Variants in MAS1 observed in about 807,000 individuals in gnomAD.
MAS1 encodes proto-oncogene Mas.
For missense variants in MAS1, 387 were observed against 409.7 expected (o/e 0.94, Z 0.48); for synonymous variants, 163 against 164.2 (o/e 0.99, Z 0.05).
At position 159,911,658 on chromosome 6, in the gene MAS1, G is replaced by A. The variant is rs1250396000; in HGVS notation, c.*3725G>A. ...GCATTAGAGACTCAGGAGAGCCTCTGGAAGCTGAGTTCCTGGATAACCGTG... is the reference window on the plus strand; with the variant it reads ...GCATTAGAGACTCAGGAGAGCCTCTAGAAGCTGAGTTCCTGGATAACCGTG... On this transcript the variant is annotated 3_prime_UTR_variant, in exon 3 of 3. Transcript: ENST00000674077. 1 of 152,080 alleles carries A rather than the reference G, an allele frequency of 6.6e-6. No individual in the cohort carries two copies. Among genetic ancestry groups the A allele is most frequent in the Non-Finnish European group, 1.5e-5 (1 of 68,050 alleles). 9.4% of individuals were successfully genotyped at this position (152,080 alleles called of 1,614,324 possible).
chr6:159,908,122 T>A lies in MAS1; in HGVS notation c.*189T>A. On this transcript the variant is annotated 3_prime_UTR_variant, in exon 3 of 3. Coordinates refer to ENST00000674077, the MANE Select transcript of MAS1 (RefSeq NM_002377.4). ...TTCTGGAAATGACCTGTCATTTCTG[T>A]ACTTGACAAAGACTCTATTTCTTTC... is the stretch of plus-strand genomic sequence containing the variant. 1 of 558,240 alleles carries A rather than the reference T, an allele frequency of 1.8e-6. No homozygotes were observed. Among genetic ancestry groups the A allele is most frequent in the Non-Finnish European group, 2.9e-6 (1 of 342,596 alleles). 34.6% of individuals were successfully genotyped at this position (558,240 alleles called of 1,614,324 possible).
chr6:159,890,710 G>A (rs1304108073), upstream of MAS1, among the ~76,000 whole-genome samples: 1 of 152,176 alleles, frequency 6.6e-6, no homozygotes, highest in African/African-American at 2.4e-5. Context: ...AACTGAGCTG[G>A]GAATTTGAGA....
chr6:159,900,943 C>G (rs1220244061), intron 2 of MAS1, among the ~76,000 whole-genome samples: 2 of 152,160 alleles, frequency 1.3e-5, no homozygotes, highest in East Asian at 3.8e-4. Context: ...TAACAAAATA[C>G]TATGGACTGG....
chr6:159,917,108 G>C lies in MAS1; in HGVS notation c.*9175G>C, dbSNP rs1783036710. Among the ~76,000 whole-genome samples the C allele has an allele frequency of 6.6e-6, 1 of 152,194 alleles. No homozygotes were observed. Among genetic ancestry groups the C allele is most frequent in the African/African-American group, 2.4e-5 (1 of 41,452 alleles). On this transcript the variant is annotated 3_prime_UTR_variant, in exon 3 of 3. Transcript: ENST00000674077. ...ATTCCCCATTCTGAAATGGTCTCCA[G>C]TGTGGCTGCAGCACGTCCATTTGAC...
intron 2 of MAS1, 85 bp from the exon 3 acceptor site, chr6:159,906,835 A>T: frequency 9.4e-7 from 1 of 1,061,222 alleles, no homozygotes. Context: ...GAAGATTATG[A>T]TTTATAGCTG....
intron 1 of MAS1, among the ~76,000 whole-genome samples, chr6:159,895,602 A>G (rs1782746570): frequency 6.6e-6 from 1 of 152,248 alleles, no homozygotes. Context: ...AAAAAATACA[A>G]GTAACCGTTA....
chr6:159,901,903 C>T (rs1308905680), intron 2 of MAS1, among the ~76,000 whole-genome samples: 1 of 151,634 alleles, frequency 6.6e-6, no homozygotes, highest in Non-Finnish European at 1.5e-5. Context: ...AAACACCTTT[C>T]TCAGATGAAT....
In MAS1 at chr6:159,904,774, G is replaced by A. The variant is rs139281630; in HGVS notation, c.-36-2146G>A. Among the ~76,000 whole-genome samples the A allele has an allele frequency of 3.2e-3, 483 of 152,280 alleles. 7 individuals are homozygous for A. Among genetic ancestry groups the A allele is most frequent in the South Asian group, 1.7e-3 (8 of 4,822 alleles). ...CCACAAAGCCCGTTTGGACCTGGTC[G>A]CCAAAGACCCCTGCCTTCAGCACCT... On this transcript the variant is annotated intron_variant, in intron 2 of 2. Transcript: ENST00000674077.
intron 1 of MAS1, among the ~76,000 whole-genome samples, chr6:159,897,029 A>G (rs538176999): frequency 1.3e-5 from 2 of 152,066 alleles, no homozygotes; most frequent in Admixed American, 1.3e-4. Context: ...GTCCGCCACC[A>G]CGCCCGGCTA....
chr6:159,892,258 A>T (rs73015619), intron 1 of MAS1, among the ~76,000 whole-genome samples: 364 of 152,140 alleles, frequency 2.4e-3, no homozygotes, highest in Non-Finnish European at 3.9e-3. Context: ...CATCTCACAA[A>T]TGGGTTTCTG....
intron 2 of MAS1, among the ~76,000 whole-genome samples, chr6:159,901,608 T>C (rs1782823154): frequency 6.6e-6 from 1 of 152,126 alleles, no homozygotes; most frequent in African/African-American, 2.4e-5. Flanking sequence ...AAACTTTTTT[T>C]TTAATTAAAA....
chr6:159,912,863 A>G lies in MAS1; in HGVS notation c.*4930A>G, dbSNP rs376361656. Reference sequence around the variant, plus strand: ...GCTAAAATACACTTCAACTATTGATAAAAGAGCATGGAGCAGAGTTAGACC... The same window carrying G: ...GCTAAAATACACTTCAACTATTGATGAAAGAGCATGGAGCAGAGTTAGACC... On this transcript the variant is annotated 3_prime_UTR_variant, in exon 3 of 3. Transcript: ENST00000674077. The G allele has an allele frequency of 1.4e-4, 22 of 152,350 alleles. No individual in the cohort carries two copies. The East Asian group carries it at 3.5e-3, about 24-fold the overall frequency. 9.4% of individuals were successfully genotyped at this position (152,350 alleles called of 1,614,324 possible). A position where few individuals can be genotyped will look rare whatever the true frequency, so the allele number is the denominator to read the frequency against.
At chr6:159,901,804 G>A (rs375333275) in intron 2 of MAS1, among the ~76,000 whole-genome samples, 16 of 149,254 alleles carry the variant, frequency 1.1e-4, no homozygotes, top group African/African-American at 3.7e-4. Context: ...AATTAGTTAC[G>A]ACCACACAGC....
chr6:159,907,969 A>G lies in MAS1; in HGVS notation c.*36A>G, dbSNP rs2115119746. On this transcript the variant is annotated 3_prime_UTR_variant, in exon 3 of 3. Coordinates refer to ENST00000674077, the MANE Select transcript of MAS1 (RefSeq NM_002377.4). ...GGAAGTTGTGGATAAAAATGGTGGA[A>G]CACAGGTCATTTTTAGTTTGTGCTT... The G allele has an allele frequency of 6.5e-7, 1 of 1,546,608 alleles. No homozygotes were observed. Among genetic ancestry groups the G allele is most frequent in the Non-Finnish European group, 8.7e-7 (1 of 1,148,736 alleles).
intron 2 of MAS1, among the ~76,000 whole-genome samples, chr6:159,900,175 T>C (rs1016839547): frequency 6.6e-6 from 1 of 152,214 alleles, no homozygotes; most frequent in African/African-American, 2.4e-5. Flanking sequence ...GCCTACCTCG[T>C]CTGCATGGCT....
In MAS1 at chr6:159,906,121, A is replaced by T. The variant is rs182827215; in HGVS notation, c.-36-799A>T. Among the ~76,000 whole-genome samples, 7 of 152,234 alleles carry T rather than the reference A, an allele frequency of 4.6e-5. No individual in the cohort carries two copies. The South Asian group carries it at 6.2e-4, about 14-fold the overall frequency. ...GAACAATGTTTTACTACATACACATACACATGCATGCACACAAACTAGAAA... is the reference window on the plus strand; with the variant it reads ...GAACAATGTTTTACTACATACACATTCACATGCATGCACACAAACTAGAAA... On this transcript the variant is annotated intron_variant, in intron 2 of 2. Coordinates refer to ENST00000674077, the MANE Select transcript of MAS1 (RefSeq NM_002377.4).
Position 159,907,651 on chromosome 6 carries a change from C to G in MAS1, c.696C>G (p.Val232=). 1 of 1,613,808 alleles carries G rather than the reference C, an allele frequency of 6.2e-7. No homozygotes were observed. The highest frequency in any genetic ancestry group is 8.5e-7 in the Non-Finnish European group (1 of 1,179,994). Residue 232 remains valine, a synonymous_variant, in exon 3 of 3, where the codon GTC becomes GTG. Coordinates refer to ENST00000674077, the MANE Select transcript of MAS1 (RefSeq NM_002377.4). The part of the protein sequence containing the change: ...HSSKLYIVIM[V]TIIIFLIFAM... The stretch of plus-strand genomic sequence containing the variant: ...CCAAGCTTTACATAGTCATCATGGT[C>G]ACCATCATTATATTCCTCATCTTCG...
At position 159,913,584 on chromosome 6, in the gene MAS1, T is replaced by G. The variant is rs1166219113; in HGVS notation, c.*5651T>G. 1 of 152,104 alleles carries G rather than the reference T, an allele frequency of 6.6e-6. No homozygotes were observed. Among genetic ancestry groups the G allele is most frequent in the Non-Finnish European group, 1.5e-5 (1 of 68,032 alleles). The allele number at this position is 152,104 out of a possible 1,614,324, so 9.4% of individuals were successfully genotyped here. ...CACAAGGCTGGTCATTTCCTGGGGCTCAGCTGGAAAGGTGGACCAGAGTTC... is the reference window on the plus strand; with the variant it reads ...CACAAGGCTGGTCATTTCCTGGGGCGCAGCTGGAAAGGTGGACCAGAGTTC... On this transcript the variant is annotated 3_prime_UTR_variant, in exon 3 of 3. Transcript: ENST00000674077.
At chr6:159,906,712 C>G (rs1002916035) in intron 2 of MAS1, 21 of 432,148 alleles carry the variant, frequency 4.9e-5, no homozygotes, top group African/African-American at 4.2e-4. Context: ...GTCATTCAAT[C>G]AGTTCTCAGT....
Sources: allele counts gnomAD v4.1 joint callset (sites outside exome capture counted in the v4.1 genomes callset), GRCh38; gene constraint gnomAD v4.1.1; transcripts MANE v1.5; gene names NCBI Gene and HGNC (gene_info 2026-07-23, HGNC 2026-07-21).